NXNL2: variants seen among roughly 807,000 people sequenced by gnomAD.
NXNL2 encodes nucleoredoxin like 2.
Under a neutral mutation model 11.1 loss-of-function variants are expected in NXNL2, and 7 were observed. That is an observed-to-expected ratio of 0.63 (90% CI 0.36 to 1.18). The LOEUF is 1.18. Ranked by LOEUF, NXNL2 falls within the 50% of genes most tolerant of loss-of-function variation. The pLI is 0.02. For synonymous variants in NXNL2, 109 were observed against 101.8 expected (o/e 1.07, Z -0.42); for missense variants, 233 against 217.7 (o/e 1.07, Z -0.44).
Position 88,535,646 on chromosome 9 carries a change from C to T in NXNL2, c.212C>T (p.Ser71Leu), listed in dbSNP as rs1389388551. The T allele has an allele frequency of 2.5e-6, 4 of 1,608,486 alleles. No individual in the cohort carries two copies. Among genetic ancestry groups the T allele is most frequent in the Admixed American group, 1.7e-5 (1 of 59,908 alleles). ...GCGCCCTTCGAAGTGGTCTTCGTGT[C>T]AGCCGACGGCAGCTCCCAGGAGATG... ...RPAPFEVVFV[S>L]ADGSSQEMLD... Residue 71 changes from serine to leucine, a missense_variant, in exon 1 of 2, where the codon TCA (serine) becomes TTA (leucine). By Grantham distance (145) the Ser-to-Leu change is moderately radical. Coordinates refer to ENST00000375854, the MANE Select transcript of NXNL2 (RefSeq NM_001161625.2).
downstream of NXNL2, among the ~76,000 whole-genome samples, chr9:88,580,135 T>C (rs1176376879): frequency 1.1e-4 from 16 of 145,594 alleles, no homozygotes; most frequent in South Asian, 2.3e-4. Flanking sequence ...CAAGACTCCA[T>C]CTCAAAAAAA....
downstream of NXNL2, among the ~76,000 whole-genome samples, chr9:88,545,891 C>T (rs940572716): frequency 4.6e-5 from 7 of 152,040 alleles, no homozygotes; most frequent in African/African-American, 1.2e-4. Flanking sequence ...CTCAGCCTCC[C>T]GAGTAGCTGG....
At chr9:88,576,256 A>G (rs1830347139), downstream of NXNL2, among the ~76,000 whole-genome samples, 4 of 152,172 alleles carry the variant, frequency 2.6e-5, no homozygotes, top group African/African-American at 7.2e-5. Flanking sequence ...ACAAAAACCC[A>G]ATGCGCCTGA....
intron 1 of NXNL2, among the ~76,000 whole-genome samples, chr9:88,566,931 C>G (rs573221590): frequency 1.3e-5 from 2 of 151,946 alleles, no homozygotes; most frequent in African/African-American, 2.4e-5. Flanking sequence ...TCTATCTAAT[C>G]TAGCTCTATC....
chr9:88,543,481 G>T (rs1829801801), intron 1 of NXNL2, among the ~76,000 whole-genome samples: 1 of 152,092 alleles, frequency 6.6e-6, no homozygotes, highest in African/African-American at 2.4e-5. Context: ...GCCCAGGCTG[G>T]TCTTGAACTC....
At chr9:88,557,345 G>A (rs1830030641) in intron 1 of NXNL2, among the ~76,000 whole-genome samples, 1 of 152,186 alleles carries the variant, frequency 6.6e-6, no homozygotes, top group South Asian at 2.1e-4. Context: ...AGAAATCACA[G>A]GCTTGGGTGG....
intron 1 of NXNL2, among the ~76,000 whole-genome samples, chr9:88,566,904 T>C (rs1290108812): frequency 6.6e-6 from 1 of 151,978 alleles, no homozygotes; most frequent in Non-Finnish European, 1.5e-5. Context: ...ATTATCTATC[T>C]ATCATCTATC....
At chr9:88,561,239 A>G (rs1216597884) in intron 1 of NXNL2, among the ~76,000 whole-genome samples, 1 of 152,180 alleles carries the variant, frequency 6.6e-6, no homozygotes, top group Admixed American at 6.5e-5. Flanking sequence ...CCCAGCCTAC[A>G]TCTTTCTCCC....
chr9:88,552,677 G>C (rs1171980744), intron 1 of NXNL2, among the ~76,000 whole-genome samples: 1 of 152,060 alleles, frequency 6.6e-6, no homozygotes, highest in African/African-American at 2.4e-5. Flanking sequence ...CACCGTGTTA[G>C]CCAGGATGGT....
chr9:88,550,055 T>C (rs1028115473), intron 1 of NXNL2, among the ~76,000 whole-genome samples: 2 of 152,016 alleles, frequency 1.3e-5, no homozygotes, highest in Non-Finnish European at 2.9e-5. Flanking sequence ...TGACCTCAGG[T>C]AATCTGCCCA....
intron 1 of NXNL2, among the ~76,000 whole-genome samples, chr9:88,537,885 G>C (rs1282386286): frequency 6.6e-6 from 1 of 152,178 alleles, no homozygotes; most frequent in Non-Finnish European, 1.5e-5. Context: ...TGACAGACTA[G>C]AGTCAGGAGT....
At chr9:88,535,789 TC>T in intron 1 of NXNL2, 53 bp downstream of exon 1, 1 of 1,434,706 alleles carries the variant, frequency 7.0e-7, no homozygotes, top group Non-Finnish European at 9.3e-7. Context: ...TCCCCCATGT[TC>T]CCCCAGGCCT....
intron 1 of NXNL2, among the ~76,000 whole-genome samples, chr9:88,582,331 T>C (rs183260218): frequency 0.011 from 1,743 of 152,092 alleles, 36 homozygotes; most frequent in African/African-American, 0.04. Context: ...TAGCTGGGCA[T>C]GGTGGCGGGC....
intron 1 of NXNL2, among the ~76,000 whole-genome samples, chr9:88,566,147 C>T (rs1028530940): frequency 2.0e-5 from 3 of 152,092 alleles, no homozygotes; most frequent in African/African-American, 7.2e-5. Flanking sequence ...TGCCTTTTCA[C>T]TCTGTTGATT....
chr9:88,557,133 C>T (rs957463753), intron 1 of NXNL2, among the ~76,000 whole-genome samples: 3 of 151,546 alleles, frequency 2.0e-5, no homozygotes, highest in African/African-American at 7.3e-5. Context: ...GTTAAGCTTC[C>T]CTAAGCTTTG....
chr9:88,559,657 A>C (rs1165548441), intron 1 of NXNL2, among the ~76,000 whole-genome samples: 1 of 152,192 alleles, frequency 6.6e-6, no homozygotes, highest in African/African-American at 2.4e-5. Context: ...CACTCCATGC[A>C]CTGCCTGTGG....
chr9:88,577,818 A>G (rs1830365245), downstream of NXNL2, among the ~76,000 whole-genome samples: 1 of 152,152 alleles, frequency 6.6e-6, no homozygotes, highest in Non-Finnish European at 1.5e-5. Context: ...GCATCAACAT[A>G]TGAACTACGG....
At chr9:88,544,999 C>T (rs1829828404), downstream of NXNL2, 2 of 577,786 alleles carry the variant, frequency 3.5e-6, no homozygotes, top group Non-Finnish European at 4.4e-6. Context: ...CCTTCTTTCT[C>T]ATTCCATTCC....
downstream of NXNL2, among the ~76,000 whole-genome samples, chr9:88,576,955 T>C (rs914415493): frequency 1.0e-4 from 6 of 59,058 alleles, no homozygotes; most frequent in Admixed American, 6.3e-4. Flanking sequence ...CCACCACCCA[T>C]AGAGTGGTAG....
Sources: gnomAD v4.1 joint callset for allele counts (sites outside exome capture counted in the v4.1 genomes callset) on GRCh38, gnomAD v4.1.1 for gene constraint, MANE v1.5 for transcripts, NCBI Gene and HGNC (gene_info 2026-07-23, HGNC 2026-07-21) for gene names.